KHDRBS2: variants seen among roughly 807,000 people sequenced by gnomAD.
KHDRBS2 encodes KH RNA binding domain containing, signal transduction associated 2.
In KHDRBS2, 26 loss-of-function variants were observed where a neutral mutation model predicts 44.3. The ratio of observed to expected loss-of-function variants is 0.59; its 90% CI spans 0.43 to 0.81. The LOEUF is 0.81. Among genes scored for constraint, KHDRBS2 ranks in the 40% least tolerant of loss-of-function variants. The pLI is 0.00. For synonymous variants in KHDRBS2, 194 were observed against 151.1 expected (o/e 1.28, Z -2.08); for missense variants, 476 against 433.1 (o/e 1.10, Z -0.88).
chr6:62,249,953 T>G (rs1490386211), intron 1 of KHDRBS2, among the ~76,000 whole-genome samples: 2 of 152,106 alleles, frequency 1.3e-5, no homozygotes, highest in Non-Finnish European at 2.9e-5. Context: ...GGCACCAATT[T>G]TATCCCCATG....
At chr6:61,758,474 A>G (rs1211528868) in intron 6 of KHDRBS2, among the ~76,000 whole-genome samples, 7 of 151,994 alleles carry the variant, frequency 4.6e-5, no homozygotes, top group Admixed American at 1.3e-4. Context: ...CCCATGGCTT[A>G]TACAGTATTT....
the KHDRBS2 span, among the ~76,000 whole-genome samples, chr6:61,579,818 G>A: frequency 1.3e-5 from 2 of 150,240 alleles, no homozygotes; most frequent in Non-Finnish European, 3.0e-5. Context: ...AGTACTTTGG[G>A]AGGCCGAGGT....
At chr6:62,285,821 C>A in intron 1 of KHDRBS2, 37 bp downstream of exon 1, 2 of 1,480,080 alleles carry the variant, frequency 1.4e-6, no homozygotes, top group Non-Finnish European at 1.9e-6. Flanking sequence ...AGATAGGCAG[C>A]CGGCGGTTTG....
intron 7 of KHDRBS2, among the ~76,000 whole-genome samples, chr6:61,703,292 AT>A (rs2127546837): frequency 6.6e-6 from 1 of 151,896 alleles, no homozygotes; most frequent in African/African-American, 2.4e-5. Context: ...TTAAAAATTC[AT>A]TTTATTATTT....
At chr6:62,091,380 A>G (rs1203943212) in intron 2 of KHDRBS2, among the ~76,000 whole-genome samples, 1 of 152,186 alleles carries the variant, frequency 6.6e-6, no homozygotes, top group African/African-American at 2.4e-5. Context: ...CTCTGTTGCT[A>G]TTCATAAGGA....
chr6:61,997,404 C>T (rs564143239), intron 3 of KHDRBS2, among the ~76,000 whole-genome samples: 6 of 152,200 alleles, frequency 3.9e-5, no homozygotes, highest in East Asian at 3.9e-4. Context: ...GCTGGATGCT[C>T]GTAAGTAGTA....
At chr6:62,237,264 G>C (rs1400558224) in intron 1 of KHDRBS2, among the ~76,000 whole-genome samples, 2 of 152,162 alleles carry the variant, frequency 1.3e-5, no homozygotes, top group Non-Finnish European at 2.9e-5. Context: ...TAATGGCTGT[G>C]TGGTGGACTT....
chr6:61,995,291 C>T (rs1290458413), intron 3 of KHDRBS2, among the ~76,000 whole-genome samples: 1 of 152,006 alleles, frequency 6.6e-6, no homozygotes, highest in Non-Finnish European at 1.5e-5. Flanking sequence ...GATAAAATTG[C>T]TAATATATCA....
intron 2 of KHDRBS2, among the ~76,000 whole-genome samples, chr6:62,074,008 T>C (rs1192381090): frequency 6.6e-6 from 1 of 151,784 alleles, no homozygotes; most frequent in Non-Finnish European, 1.5e-5. Flanking sequence ...TGCTCTGTAA[T>C]ATGGATCACA....
intron 7 of KHDRBS2, among the ~76,000 whole-genome samples, chr6:61,712,614 A>G (rs571427769): frequency 2.0e-5 from 3 of 151,904 alleles, no homozygotes; most frequent in Non-Finnish European, 2.9e-5. Flanking sequence ...TTACTTATTA[A>G]GCTATAAAGT....
chr6:61,703,725 A>G (rs1223985239), intron 7 of KHDRBS2, among the ~76,000 whole-genome samples: 1 of 151,678 alleles, frequency 6.6e-6, no homozygotes, highest in Non-Finnish European at 1.5e-5. Context: ...TATAACACAC[A>G]TGTAGATATA....
intron 3 of KHDRBS2, among the ~76,000 whole-genome samples, chr6:61,995,320 A>G (rs2127253306): frequency 6.6e-6 from 1 of 152,284 alleles, no homozygotes; most frequent in East Asian, 1.9e-4. Context: ...GAAAAACAAG[A>G]CTTTATCCTA....
At chr6:62,264,644 T>C (rs1470462348) in intron 1 of KHDRBS2, among the ~76,000 whole-genome samples, 1 of 151,798 alleles carries the variant, frequency 6.6e-6, no homozygotes. Flanking sequence ...TATTGTGACA[T>C]GCAATAATTG....
chr6:61,579,522 G>A, the KHDRBS2 span, among the ~76,000 whole-genome samples: 2 of 152,150 alleles, frequency 1.3e-5, no homozygotes, highest in South Asian at 4.1e-4. Flanking sequence ...TAATGCAGAA[G>A]AGATAGAGTG....
the KHDRBS2 span, among the ~76,000 whole-genome samples, chr6:61,620,525 A>G: frequency 6.6e-6 from 1 of 152,188 alleles, no homozygotes; most frequent in East Asian, 1.9e-4. Context: ...TGTTCTGTGA[A>G]GTTACTCAAT....
chr6:61,986,987 T>C (rs957477404), intron 3 of KHDRBS2, among the ~76,000 whole-genome samples: 2 of 152,194 alleles, frequency 1.3e-5, no homozygotes, highest in Non-Finnish European at 2.9e-5. Flanking sequence ...ATTTGTACCT[T>C]TCAAATAGAC....
At chr6:61,818,146 T>A (rs1256671295) in intron 6 of KHDRBS2, among the ~76,000 whole-genome samples, 1 of 151,904 alleles carries the variant, frequency 6.6e-6, no homozygotes, top group Non-Finnish European at 1.5e-5. Context: ...ATAAGTAAGA[T>A]GCAACTCTAC....
intron 4 of KHDRBS2, among the ~76,000 whole-genome samples, chr6:61,945,381 T>C (rs1309906650): frequency 6.6e-6 from 1 of 151,484 alleles, no homozygotes; most frequent in African/African-American, 2.4e-5. Flanking sequence ...GTACTAAACA[T>C]TTTGCTAAGC....
At chr6:62,163,444 C>T (rs1341584588) in intron 2 of KHDRBS2, among the ~76,000 whole-genome samples, 1 of 151,978 alleles carries the variant, frequency 6.6e-6, no homozygotes, top group Non-Finnish European at 1.5e-5. Context: ...TATTCATATA[C>T]AGACTGATGA....
Sources: gnomAD v4.1 joint callset for allele counts (sites outside exome capture counted in the v4.1 genomes callset) on GRCh38, gnomAD v4.1.1 for gene constraint, MANE v1.5 for transcripts, NCBI Gene and HGNC (gene_info 2026-07-23, HGNC 2026-07-21) for gene names.